Variants in CNGA4 observed in about 807,000 individuals in gnomAD.
CNGA4 encodes cyclic nucleotide-gated channel alpha-4.
Under a neutral mutation model 45.6 loss-of-function variants are expected in CNGA4, and 32 were observed. That is an observed-to-expected ratio of 0.70 (90% CI 0.53 to 0.94). The LOEUF is 0.94. Ranked by LOEUF, CNGA4 falls within the 40% of genes least tolerant of loss-of-function variation. The pLI, the probability that CNGA4 is intolerant of heterozygous loss-of-function variation, is 0.00. For missense variants in CNGA4, 726 were observed against 755.1 expected (o/e 0.96, Z 0.45); for synonymous variants, 293 against 304.6 (o/e 0.96, Z 0.40).
At position 6,240,171 on chromosome 11, in the gene CNGA4, A is replaced by T. The variant is rs529727012; in HGVS notation, c.377A>T (p.Asp126Val). ...GACCTGGCTTCCCTGATGCCCACAG[A>T]TGTGGTCTACGTGCGGCTGGGCCCG... ...FLDLASLMPT[D>V]VVYVRLGPHT... Residue 126 changes from aspartate to valine, a missense_variant, in exon 4 of 6, where the codon GAT (aspartate) becomes GTT (valine). Coordinates refer to ENST00000379936, the MANE Select transcript of CNGA4 (RefSeq NM_001037329.4). The surrounding 1 kb of genome is among the most constrained non-coding windows in gnomAD (Gnocchi z 4.9). 1.2e-6 allele frequency: 2 copies of T among 1,614,174 alleles called. No homozygotes were observed. The highest frequency in any genetic ancestry group is 1.7e-6 in the Non-Finnish European group (2 of 1,180,042).
chr11:6,241,906 C>T, intron 5 of CNGA4, 126 bp downstream of exon 5: 1 of 794,746 alleles, frequency 1.3e-6, no homozygotes, highest in Non-Finnish European at 2.0e-6. Context: ...TGGCCCTTCT[C>T]TGAGTCACTA....
In CNGA4 at chr11:6,239,159, G is replaced by A; in HGVS notation, c.-48G>A. ...GCCCAACTCCAGAAGTCCCCTACAGGCAGAGAGGGTGTGGACATCTCACAC... is the reference window on the plus strand; with the variant it reads ...GCCCAACTCCAGAAGTCCCCTACAGACAGAGAGGGTGTGGACATCTCACAC... On this transcript the variant is annotated 5_prime_UTR_variant, in exon 1 of 6. Transcript: ENST00000379936. 1.2e-6 allele frequency: 2 copies of A among 1,612,228 alleles called. No homozygotes were observed. Among genetic ancestry groups the A allele is most frequent in the Non-Finnish European group, 8.5e-7 (1 of 1,179,938 alleles).
chr11:6,243,846 C>A, intron 5 of CNGA4, 103 bp from the exon 6 acceptor site: 1 of 1,043,688 alleles, frequency 9.6e-7, no homozygotes, highest in Non-Finnish European at 1.4e-6. Flanking sequence ...GAAGGAGAGG[C>A]TCAGAAGCAC....
chr11:6,242,910 A>G (rs1847937056), intron 5 of CNGA4, among the ~76,000 whole-genome samples: 1 of 152,174 alleles, frequency 6.6e-6, no homozygotes. Context: ...AAAGGATATC[A>G]TACAGCTCCC....
At chr11:6,242,884 C>T (rs925338484) in intron 5 of CNGA4, among the ~76,000 whole-genome samples, 2 of 152,198 alleles carry the variant, frequency 1.3e-5, no homozygotes, top group Non-Finnish European at 2.9e-5. Context: ...TCTCCACCAA[C>T]ATCTTTCTAA....
chr11:6,239,532 T>C, intron 2 of CNGA4, 47 bp downstream of exon 2: 4 of 1,594,584 alleles, frequency 2.5e-6, no homozygotes, highest in South Asian at 1.1e-5. Context: ...AAAAGAGGAC[T>C]AAAGAGAGGT....
Position 6,244,289 on chromosome 11 carries a change from T to C in CNGA4, c.1608T>C (p.Thr536=). The C allele has an allele frequency of 6.2e-7, 1 of 1,613,988 alleles. No homozygotes were observed. The highest frequency in any genetic ancestry group is 1.1e-5 in the South Asian group (1 of 91,080). The change falls in exon 6 of 6, where the codon ACT becomes ACC. Residue 536 remains threonine, a synonymous_variant. Transcript: ENST00000379936. The surrounding 1 kb of genome is among the most constrained non-coding windows in gnomAD (Gnocchi z 4.5). ...GCATTGAACGGCTGGAGTGGCAGAC[T>C]CGAGAGTGGCCAATGCCCGAGGACC... ...AYRIERLEWQ[T]REWPMPEDLA...
Position 6,239,178 on chromosome 11 carries a change from C to G in CNGA4, c.-29C>G. Reference sequence around the variant, plus strand: ...CTACAGGCAGAGAGGGTGTGGACATCTCACACCCCAGCACCAGACCACAGA... The same window carrying G: ...CTACAGGCAGAGAGGGTGTGGACATGTCACACCCCAGCACCAGACCACAGA... On this transcript the variant is annotated 5_prime_UTR_variant, in exon 1 of 6. In the 5' UTR this introduces an upstream ATG that the reference lacks. Transcript: ENST00000379936. The G allele has an allele frequency of 6.2e-7, 1 of 1,612,748 alleles. No homozygotes were observed. Among genetic ancestry groups the G allele is most frequent in the South Asian group, 1.1e-5 (1 of 91,010 alleles).
upstream of CNGA4, among the ~76,000 whole-genome samples, chr11:6,237,853 T>C (rs573529807): frequency 6.6e-6 from 1 of 152,284 alleles, no homozygotes; most frequent in South Asian, 2.1e-4. Context: ...CTTCACAGGT[T>C]CTCTATTGCC....
upstream of CNGA4, among the ~76,000 whole-genome samples, chr11:6,238,779 A>G (rs1847868720): frequency 6.6e-6 from 1 of 152,242 alleles, no homozygotes; most frequent in Admixed American, 6.5e-5. Flanking sequence ...TGAGGCCCAA[A>G]TAGAATTTGC....
At chr11:6,236,015 GTTAT>G (rs1013361223), upstream of CNGA4, among the ~76,000 whole-genome samples, 28 of 152,228 alleles carry the variant, frequency 1.8e-4, no homozygotes, top group African/African-American at 5.8e-4. Flanking sequence ...TTGTGCTATA[GTTAT>G]GTAAGATCAT....
chr11:6,242,277 A>C (rs1191672182), intron 5 of CNGA4, among the ~76,000 whole-genome samples: 1 of 152,060 alleles, frequency 6.6e-6, no homozygotes, highest in Non-Finnish European at 1.5e-5. Flanking sequence ...ATGTGGGATG[A>C]GTGGAAAAAA....
upstream of CNGA4, among the ~76,000 whole-genome samples, chr11:6,238,149 G>A (rs533195253): frequency 1.1e-4 from 17 of 152,304 alleles, no homozygotes; most frequent in African/African-American, 2.9e-4. Flanking sequence ...ATAGCCTTCC[G>A]TGTATCCAGC....
upstream of CNGA4, among the ~76,000 whole-genome samples, chr11:6,236,638 G>A (rs1248298077): frequency 2.0e-5 from 3 of 152,196 alleles, no homozygotes; most frequent in Admixed American, 2.0e-4. Flanking sequence ...GGCAGAGTGG[G>A]GCTCCTGAGG....
rs1393873397 is a variant in CNGA4, at chr11:6,240,598, C to T, written c.804C>T (p.Val268=). The change falls in exon 4 of 6, where the codon GTC becomes GTT. Residue 268 remains valine, a synonymous_variant. Transcript: ENST00000379936. The surrounding 1 kb of genome is among the most constrained non-coding windows in gnomAD (Gnocchi z 4.9). ...FATIMGSMSS[V]IYNMNTADAA... is the part of the protein sequence containing the mutation. ...CCATCATGGGTAGCATGAGCTCTGTCATCTACAACATGAACACTGCAGATG... is the reference window on the plus strand; with the variant it reads ...CCATCATGGGTAGCATGAGCTCTGTTATCTACAACATGAACACTGCAGATG... 1 of 1,614,208 alleles carries T rather than the reference C, an allele frequency of 6.2e-7. No individual in the cohort carries two copies. The highest frequency in any genetic ancestry group is 1.1e-5 in the South Asian group (1 of 91,082).
chr11:6,244,377 G>C lies in CNGA4; in HGVS notation c.1696G>C (p.Ala566Pro), dbSNP rs773755558. ...AACTTCCAAAGATGAAGAGGGCAGGGCCAGCCAGGAGGGACCCCCAGGTCC... is the reference window on the plus strand; with the variant it reads ...AACTTCCAAAGATGAAGAGGGCAGGCCCAGCCAGGAGGGACCCCCAGGTCC... Reference protein sequence around the residue: ...EGTSKDEEGRASQEGPPGPE With the variant: ...EGTSKDEEGRPSQEGPPGPE Residue 566 changes from alanine (A) to proline (P), a missense_variant, in exon 6 of 6, where the codon GCC (alanine) becomes CCC (proline). Physicochemically the swap from Ala to Pro is conservative, Grantham distance 27. Transcript: ENST00000379936. This position sits in a 1 kb window ranked among gnomAD's most constrained non-coding sequence, Gnocchi z 4.5. 6.2e-7 allele frequency: 1 copy of C among 1,613,320 alleles called. No homozygotes were observed. The highest frequency in any genetic ancestry group is 2.2e-5 in the East Asian group (1 of 44,844).
At chr11:6,235,713 G>A (rs1441077334), upstream of CNGA4, among the ~76,000 whole-genome samples, 1 of 152,204 alleles carries the variant, frequency 6.6e-6, no homozygotes, top group Non-Finnish European at 1.5e-5. Context: ...GGCCGAGGCG[G>A]GCGGATCACG....
intron 5 of CNGA4, among the ~76,000 whole-genome samples, chr11:6,242,452 T>C (rs1357391577): frequency 6.6e-6 from 1 of 152,058 alleles, no homozygotes; most frequent in Non-Finnish European, 1.5e-5. Context: ...GTATTAGGCA[T>C]GAGGTCGTGC....
chr11:6,235,646 A>G, upstream of CNGA4: 1 of 748,966 alleles, frequency 1.3e-6, no homozygotes, highest in Non-Finnish European at 1.6e-6. Context: ...TGTAGTTTTA[A>G]AAGTACTTTA....
Sources: allele counts gnomAD v4.1 joint callset (sites outside exome capture counted in the v4.1 genomes callset), GRCh38; gene constraint gnomAD v4.1.1; non-coding constraint Gnocchi (gnomAD v3.1); transcripts MANE v1.5; gene names NCBI Gene and HGNC (gene_info 2026-07-23, HGNC 2026-07-21).